The following HCK variants were observed in gnomAD, a reference collection of about 807,000 sequenced individuals.
HCK encodes tyrosine-protein kinase HCK.
HCK carries 40 observed loss-of-function variants against 70.4 expected under a neutral mutation model. The ratio of observed to expected loss-of-function variants is 0.57; its 90% CI spans 0.44 to 0.74. HCK has a LOEUF of 0.74. HCK is among the 30% of genes least tolerant of loss of function. The probability of loss-of-function intolerance (pLI) is 0.00; values close to 1 mark genes in which losing one functional copy is unlikely to be tolerated. For missense variants in HCK, 568 were observed against 697.2 expected, an observed-to-expected ratio of 0.81 and a Z score of 2.09; for synonymous variants, 245 against 263.2, an observed-to-expected ratio of 0.93 and a Z score of 0.67.
At chr20:32,085,746 G>A (rs188695714) in intron 8 of HCK, among the ~76,000 whole-genome samples, 1 of 152,240 alleles carries the variant, frequency 6.6e-6, no homozygotes, top group African/African-American at 2.4e-5. Context: ...GTGGGGTGAG[G>A]GGAGGGAACA....
chr20:32,055,634 G>A (rs965803207), intron 1 of HCK, among the ~76,000 whole-genome samples: 1 of 151,980 alleles, frequency 6.6e-6, no homozygotes. Flanking sequence ...CTTTTATATA[G>A]TTCAAAATTT....
chr20:32,058,344 C>T (rs1246778514), intron 1 of HCK, among the ~76,000 whole-genome samples: 1 of 151,974 alleles, frequency 6.6e-6, no homozygotes, highest in Non-Finnish European at 1.5e-5. Context: ...CCAGCCTGGC[C>T]AACATGGTGA....
At chr20:32,100,096 C>G (rs563327448) in intron 12 of HCK, among the ~76,000 whole-genome samples, 1 of 152,078 alleles carries the variant, frequency 6.6e-6, no homozygotes, top group African/African-American at 2.4e-5. Flanking sequence ...TTTGTAGAGA[C>G]TTGGTCTCAC....
rs1281202859 is a variant in HCK at position 32,071,761 on chromosome 20, T to A, written c.162T>A (p.Asp54Glu). ...CACACTGTCCTGTGTACGTGCCGGATCCCACATCCACCATCAAGCCGGTGA... is the reference window on the plus strand; with the variant it reads ...CACACTGTCCTGTGTACGTGCCGGAACCCACATCCACCATCAAGCCGGTGA... Residue 54 changes from aspartate (D) to glutamate (E), a missense_variant, in exon 2 of 13, where the codon GAT (aspartate) becomes GAA (glutamate). Physicochemically the swap from Asp to Glu is conservative, Grantham distance 45. Around this residue, in one of 4 missense-constraint regions of HCK, gnomAD observed 318 missense variants for 336.0 expected, o/e 0.95. Coordinates refer to ENST00000375852, the MANE Select transcript of HCK (RefSeq NM_002110.5). The A allele has an allele frequency of 6.2e-7, 1 of 1,614,004 alleles. No homozygotes were observed.
chr20:32,062,919 G>A (rs1354088121), intron 1 of HCK, among the ~76,000 whole-genome samples: 1 of 152,148 alleles, frequency 6.6e-6, no homozygotes, highest in African/African-American at 2.4e-5. Flanking sequence ...TTCTGAGAAG[G>A]GAAAGTTCCT....
intron 1 of HCK, among the ~76,000 whole-genome samples, chr20:32,059,515 T>C (rs56390911): frequency 8.1e-4 from 4 of 4,912 alleles, no homozygotes; most frequent in South Asian, 5.0e-3. Flanking sequence ...CTCTCTCTTT[T>C]TTTTTTCTTT....
intron 1 of HCK, among the ~76,000 whole-genome samples, chr20:32,061,258 A>G (rs1167871215): frequency 1.3e-5 from 2 of 152,234 alleles, no homozygotes; most frequent in Non-Finnish European, 2.9e-5. Context: ...CTGGGATTAC[A>G]GGCGTGAGCC....
At chr20:32,078,213 T>G (rs1025241243) in intron 5 of HCK, among the ~76,000 whole-genome samples, 3 of 150,596 alleles carry the variant, frequency 2.0e-5, no homozygotes, top group African/African-American at 7.3e-5. Context: ...TTTTTTTTTT[T>G]TTTTTGTATT....
chr20:32,073,841 CT>C (rs765796296), intron 4 of HCK, 23 bp downstream of exon 4: 17 of 1,380,208 alleles, frequency 1.2e-5, no homozygotes, highest in Middle Eastern at 1.8e-4. Context: ...CCCACTCCCC[CT>C]AAGACAGACC....
chr20:32,092,212 G>T (rs1227419358), intron 10 of HCK, among the ~76,000 whole-genome samples: 4 of 152,086 alleles, frequency 2.6e-5, no homozygotes, highest in African/African-American at 9.7e-5. Flanking sequence ...TGGAGTGCTG[G>T]GTTATTTAGA....
chr20:32,081,679 C>G (rs991718956), intron 6 of HCK, among the ~76,000 whole-genome samples: 12 of 152,260 alleles, frequency 7.9e-5, no homozygotes, highest in Admixed American at 7.2e-4. Flanking sequence ...AATGCCTGGG[C>G]TTTGTCTCTT....
At chr20:32,061,374 G>T (rs773883094) in intron 1 of HCK, among the ~76,000 whole-genome samples, 1 of 152,216 alleles carries the variant, frequency 6.6e-6, no homozygotes, top group South Asian at 2.1e-4. Flanking sequence ...GGTGGGCTTC[G>T]GTCTCCCTGC....
intron 5 of HCK, among the ~76,000 whole-genome samples, chr20:32,075,263 G>A (rs1326154362): frequency 2.0e-5 from 3 of 152,156 alleles, no homozygotes; most frequent in Non-Finnish European, 4.4e-5. Flanking sequence ...CACCATCACA[G>A]CTCACTTCAG....
chr20:32,095,449 G>T (rs1042809218), intron 11 of HCK, among the ~76,000 whole-genome samples: 23 of 152,074 alleles, frequency 1.5e-4, no homozygotes, highest in Non-Finnish European at 3.2e-4. Flanking sequence ...AGATAACAGG[G>T]TTTCACCATG....
chr20:32,086,827 G>C lies in HCK; in HGVS notation c.1015+20G>C. Reference sequence around the variant, plus strand: ...CCAAAGGTGCTGCGTGCTGGGGCTGGGGGTGCAGGCTGTGGCCTATACTGG... The same window carrying C: ...CCAAAGGTGCTGCGTGCTGGGGCTGCGGGTGCAGGCTGTGGCCTATACTGG... On this transcript the variant is annotated intron_variant, in intron 9 of 12. Coordinates refer to ENST00000375852, the MANE Select transcript of HCK (RefSeq NM_002110.5). 6.4e-7 allele frequency: 1 copy of C among 1,561,508 alleles called. No individual in the cohort carries two copies. The highest frequency in any genetic ancestry group is 8.7e-7 in the Non-Finnish European group (1 of 1,153,408).
rs2045340033 is a variant in HCK, at chr20:32,059,823, G to A, written c.62+7337G>A. ...GAGCCACCATACCTGGCCTCTAATG[G>A]TTTAATTTTTAACAAGAAGGATGCA... is the stretch of plus-strand genomic sequence containing the variant. On this transcript the variant is annotated intron_variant, in intron 1 of 12. Coordinates refer to ENST00000375852, the MANE Select transcript of HCK (RefSeq NM_002110.5). 2.0e-5 allele frequency among the ~76,000 whole-genome samples: 3 copies of A among 152,206 alleles called. No homozygotes were observed. In the South Asian group the frequency reaches 6.2e-4, roughly 32 times the overall value.
At chr20:32,099,469 T>C (rs569885144) in intron 12 of HCK, among the ~76,000 whole-genome samples, 13 of 150,218 alleles carry the variant, frequency 8.7e-5, no homozygotes, top group Non-Finnish European at 1.9e-4. Flanking sequence ...GCGATTCTCC[T>C]GCCTCAGCCT....
intron 1 of HCK, among the ~76,000 whole-genome samples, chr20:32,062,187 G>T (rs777757009): frequency 1.3e-5 from 2 of 152,044 alleles, no homozygotes; most frequent in Admixed American, 1.3e-4. Context: ...TGATCTGCCC[G>T]CTTCAGCCTC....
chr20:32,071,644 C>T lies in HCK; in HGVS notation c.63-18C>T, dbSNP rs2045539973. On this transcript the variant is annotated intron_variant, in intron 1 of 12. Coordinates refer to ENST00000375852, the MANE Select transcript of HCK (RefSeq NM_002110.5). ...GGCTCTTGGTAACTGGGGCTCACCT[C>T]CCTTCTGTCTGCTGCAGGATGGGGT... The T allele has an allele frequency of 6.2e-7, 1 of 1,612,334 alleles. No individual in the cohort carries two copies. Among genetic ancestry groups the T allele is most frequent in the Admixed American group, 1.7e-5 (1 of 59,756 alleles).
Sources: gnomAD v4.1 joint callset for allele counts (sites outside exome capture counted in the v4.1 genomes callset) on GRCh38, gnomAD v4.1.1 for gene constraint, gnomAD v4.1.1 regional missense constraint, MANE v1.5 for transcripts, NCBI Gene and HGNC (gene_info 2026-07-23, HGNC 2026-07-21) for gene names.